The following PPIL6 variants were observed in gnomAD, a reference collection of about 807,000 sequenced individuals.
The protein encoded by PPIL6 is probable inactive peptidyl-prolyl cis-trans isomerase-like 6.
In PPIL6, 39 loss-of-function variants were observed where a neutral mutation model predicts 36.8. The observed-to-expected ratio is 1.06, with a 90% CI of 0.82 to 1.38. The LOEUF (loss-of-function observed/expected upper bound fraction) is 1.38. Ranked by LOEUF, PPIL6 falls within the 40% of genes most tolerant of loss-of-function variation. PPIL6 has a pLI of 0.00. For missense variants in PPIL6, 368 were observed against 379.1 expected (o/e 0.97, Z 0.24); for synonymous variants, 123 against 134.1 (o/e 0.92, Z 0.57).
intron 5 of PPIL6, among the ~76,000 whole-genome samples, chr6:109,423,887 T>G (rs1773678390): frequency 6.6e-6 from 1 of 152,206 alleles, no homozygotes; most frequent in East Asian, 1.9e-4. Context: ...CTCTCTTCCT[T>G]CTTTTCTTTC....
intron 2 of PPIL6, among the ~76,000 whole-genome samples, chr6:109,432,014 C>A (rs1332422053): frequency 6.6e-6 from 1 of 152,082 alleles, no homozygotes; most frequent in African/African-American, 2.4e-5. Context: ...CCTTTTAGGT[C>A]GACACATTAA....
intron 1 of PPIL6, among the ~76,000 whole-genome samples, chr6:109,439,946 T>A (rs1471145786): frequency 1.3e-5 from 2 of 152,198 alleles, no homozygotes; most frequent in South Asian, 4.1e-4. Context: ...TCCAAAGCAC[T>A]TGTGAAGCAT....
At chr6:109,435,118 T>C (rs544595647) in intron 2 of PPIL6, among the ~76,000 whole-genome samples, 6 of 152,128 alleles carry the variant, frequency 3.9e-5, no homozygotes, top group African/African-American at 1.2e-4. Flanking sequence ...ATCAACACTT[T>C]CCAGAGTTTA....
chr6:109,399,077 C>T (rs1371414968), intron 7 of PPIL6, among the ~76,000 whole-genome samples: 1 of 150,810 alleles, frequency 6.6e-6, no homozygotes, highest in Non-Finnish European at 1.5e-5. Flanking sequence ...AGGCACACAC[C>T]ACCACACCCA....
upstream of PPIL6, chr6:109,440,817 C>T (rs1774824369): frequency 5.3e-6 from 2 of 379,346 alleles, no homozygotes; most frequent in East Asian, 9.5e-5. Context: ...GAGCCGCCCA[C>T]CCGGGGGCGC....
intron 3 of PPIL6, among the ~76,000 whole-genome samples, chr6:109,427,539 A>G (rs1773888184): frequency 6.6e-6 from 1 of 151,946 alleles, no homozygotes; most frequent in Non-Finnish European, 1.5e-5. Context: ...ATGCACCACC[A>G]CCAGGCCCAG....
upstream of PPIL6, chr6:109,440,904 C>T (rs1774834360): frequency 1.8e-6 from 1 of 567,706 alleles, no homozygotes; most frequent in Non-Finnish European, 3.0e-6. Flanking sequence ...GATCGCCTTT[C>T]CGGGTTGGCG....
intron 5 of PPIL6, among the ~76,000 whole-genome samples, chr6:109,425,712 T>C (rs767972819): frequency 1.4e-5 from 2 of 140,664 alleles, no homozygotes; most frequent in Non-Finnish European, 3.0e-5. Flanking sequence ...ATCGTGCCAC[T>C]GCACTACAGC....
In PPIL6 at chr6:109,391,372, A is replaced by G. The variant is rs1772095764; in HGVS notation, c.*1454T>C. 6.6e-6 allele frequency: 1 copy of G among 150,832 alleles called. No homozygotes were observed. The highest frequency in any genetic ancestry group is 2.4e-5 in the African/African-American group (1 of 40,988). 9.3% of individuals were successfully genotyped at this position (150,832 alleles called of 1,614,324 possible). On this transcript the variant is annotated 3_prime_UTR_variant, in exon 8 of 8. Coordinates refer to ENST00000521072, the MANE Select transcript of PPIL6 (RefSeq NM_173672.5). ...GGCACAGGGTAGTGGTGGTAACAGG[A>G]GCTGAGCAAGGTCACCAATAGCAGA... is the stretch of plus-strand genomic sequence containing the variant.
At chr6:109,422,415 G>T (rs1041697242) in intron 5 of PPIL6, among the ~76,000 whole-genome samples, 2 of 152,134 alleles carry the variant, frequency 1.3e-5, no homozygotes, top group East Asian at 3.9e-4. Context: ...AACATACAGA[G>T]ACCCTGTCTT....
intron 5 of PPIL6, among the ~76,000 whole-genome samples, chr6:109,420,933 A>C (rs1434434445): frequency 6.6e-6 from 1 of 152,206 alleles, no homozygotes; most frequent in Non-Finnish European, 1.5e-5. Flanking sequence ...ACTCACCTAA[A>C]ACTCAGCCAT....
At chr6:109,404,362 T>G (rs562400847) in intron 6 of PPIL6, among the ~76,000 whole-genome samples, 8 of 152,298 alleles carry the variant, frequency 5.3e-5, no homozygotes, top group Admixed American at 2.6e-4. Context: ...CATCAGGGAT[T>G]GGGGCCAGGA....
chr6:109,421,593 T>C (rs1773541077), intron 5 of PPIL6, among the ~76,000 whole-genome samples: 1 of 152,210 alleles, frequency 6.6e-6, no homozygotes, highest in Admixed American at 6.5e-5. Flanking sequence ...ATGATGATGA[T>C]GATAATAAAA....
intron 7 of PPIL6, among the ~76,000 whole-genome samples, chr6:109,394,588 G>C (rs1772221947): frequency 6.6e-6 from 1 of 152,100 alleles, no homozygotes; most frequent in South Asian, 2.1e-4. Flanking sequence ...CATCTCATGA[G>C]CCTTTATAGG....
chr6:109,405,829 C>G (rs1562258863), intron 6 of PPIL6, among the ~76,000 whole-genome samples: 1 of 152,176 alleles, frequency 6.6e-6, no homozygotes, highest in Non-Finnish European at 1.5e-5. Flanking sequence ...AAAGCTGCAA[C>G]TCTTTCCATA....
At chr6:109,397,353 G>A (rs1220118018) in intron 7 of PPIL6, among the ~76,000 whole-genome samples, 1 of 151,940 alleles carries the variant, frequency 6.6e-6, no homozygotes, top group Non-Finnish European at 1.5e-5. Context: ...CTCCATTGCC[G>A]CCCTGTAACG....
At chr6:109,393,266 G>A (rs1428703575) in intron 7 of PPIL6, among the ~76,000 whole-genome samples, 1 of 151,110 alleles carries the variant, frequency 6.6e-6, no homozygotes, top group Non-Finnish European at 1.5e-5. Context: ...TGCCCAGGCT[G>A]GAGTGCTGTG....
intron 1 of PPIL6, among the ~76,000 whole-genome samples, chr6:109,439,813 T>C (rs1336937311): frequency 6.6e-6 from 1 of 152,242 alleles, no homozygotes; most frequent in Non-Finnish European, 1.5e-5. Context: ...CGACATTTCA[T>C]ACATTTCTCC....
chr6:109,438,509 C>T (rs915177226), intron 1 of PPIL6, among the ~76,000 whole-genome samples: 3 of 151,820 alleles, frequency 2.0e-5, no homozygotes, highest in Non-Finnish European at 4.4e-5. Context: ...ATTATTAATA[C>T]AATAAAGATA....
Sources: gnomAD v4.1 joint callset for allele counts (sites outside exome capture counted in the v4.1 genomes callset) on GRCh38, gnomAD v4.1.1 for gene constraint, MANE v1.5 for transcripts, NCBI Gene and HGNC (gene_info 2026-07-23, HGNC 2026-07-21) for gene names.